Variants in IMMP2L observed in about 807,000 individuals in gnomAD.
The protein encoded by IMMP2L is inner mitochondrial membrane peptidase subunit 2.
A neutral mutation model predicts 19.3 loss-of-function variants in IMMP2L; 18 were observed. That is an observed-to-expected ratio of 0.93 (90% CI 0.64 to 1.38). The LOEUF is 1.38. IMMP2L is among the 40% of genes most tolerant of loss of function. The probability of loss-of-function intolerance (pLI) is 0.00; values close to 1 mark genes in which losing one functional copy is unlikely to be tolerated. For synonymous variants in IMMP2L, 76 were observed against 73.0 expected, an observed-to-expected ratio of 1.04 and a Z score of -0.21; for missense variants, 233 against 218.2, an observed-to-expected ratio of 1.07 and a Z score of -0.43.
chr7:111,035,761 T>C (rs2129569818), intron 3 of IMMP2L, among the ~76,000 whole-genome samples: 1 of 152,236 alleles, frequency 6.6e-6, no homozygotes, highest in African/African-American at 2.4e-5. Flanking sequence ...TTTAAAAAAT[T>C]ATCATTGGAG....
intron 3 of IMMP2L, among the ~76,000 whole-genome samples, chr7:111,445,899 C>G (rs554903145): frequency 1.3e-5 from 2 of 151,966 alleles, no homozygotes; most frequent in South Asian, 4.2e-4. Context: ...ACCTGGGAAG[C>G]GCAAGGGGTC....
chr7:110,865,201 T>C (rs923915346), intron 5 of IMMP2L, among the ~76,000 whole-genome samples: 4 of 152,028 alleles, frequency 2.6e-5, no homozygotes, highest in South Asian at 4.1e-4. Flanking sequence ...ACTGTAACTA[T>C]GCTTATTCAT....
intron 3 of IMMP2L, among the ~76,000 whole-genome samples, chr7:111,462,096 T>G (rs1840187209): frequency 6.6e-6 from 1 of 151,480 alleles, no homozygotes; most frequent in Admixed American, 6.6e-5. Context: ...TTTATATATT[T>G]TTATTTTAAT....
chr7:110,717,660 G>T (rs1318961996), intron 5 of IMMP2L, among the ~76,000 whole-genome samples: 2 of 152,188 alleles, frequency 1.3e-5, no homozygotes, highest in African/African-American at 4.8e-5. Context: ...TGCAAAGGGA[G>T]TTTCAAGAAG....
chr7:110,971,924 C>A (rs183077877), intron 3 of IMMP2L, among the ~76,000 whole-genome samples: 1 of 152,112 alleles, frequency 6.6e-6, no homozygotes, highest in Admixed American at 6.6e-5. Context: ...TGAGATGCCA[C>A]ATAATCAATG....
At chr7:110,715,103 A>T (rs188652304) in intron 5 of IMMP2L, among the ~76,000 whole-genome samples, 3 of 151,822 alleles carry the variant, frequency 2.0e-5, no homozygotes, top group Non-Finnish European at 2.9e-5. Flanking sequence ...TTTCTGTGGG[A>T]TGTGTTGTAA....
chr7:111,470,766 C>A (rs866831403), intron 3 of IMMP2L, among the ~76,000 whole-genome samples: 1 of 149,366 alleles, frequency 6.7e-6, no homozygotes, highest in Non-Finnish European at 1.5e-5. Flanking sequence ...AGGAGATATA[C>A]CTAATGCTAA....
chr7:111,308,953 A>G (rs1265176604), intron 3 of IMMP2L, among the ~76,000 whole-genome samples: 2 of 152,114 alleles, frequency 1.3e-5, no homozygotes, highest in East Asian at 3.8e-4. Context: ...TACTGGTTAA[A>G]ACAAGAATCA....
chr7:110,911,163 TAC>T (rs993961327), intron 4 of IMMP2L, among the ~76,000 whole-genome samples: 1 of 152,056 alleles, frequency 6.6e-6, no homozygotes, highest in African/African-American at 2.4e-5. Context: ...TTAGAATACG[TAC>T]ACAGTTAAAA....
In IMMP2L at chr7:110,804,128, G is replaced by A. The variant is rs568763385; in HGVS notation, c.408+82465C>T. On this transcript the variant is annotated intron_variant, in intron 5 of 5. Transcript: ENST00000405709. ...AAACACTCTAAAAAGAAATGAAATA[G>A]GGGATGTCCTCTTTGTTTATTATCA... Among the ~76,000 whole-genome samples, 6 of 152,104 alleles carry A rather than the reference G, an allele frequency of 3.9e-5. No individual in the cohort carries two copies. The South Asian group carries it at 1.0e-3, about 26-fold the overall frequency.
chr7:111,539,639 T>C (rs888898728), intron 1 of IMMP2L, among the ~76,000 whole-genome samples: 1 of 151,710 alleles, frequency 6.6e-6, no homozygotes, highest in Non-Finnish European at 1.5e-5. Flanking sequence ...TGGTTTTTTT[T>C]TTTTCAATAA....
rs1251183902 is a variant in IMMP2L, at chr7:110,663,136, A to G, written c.*466T>C. 2 of 167,752 alleles carry G rather than the reference A, an allele frequency of 1.2e-5. No homozygotes were observed. The highest frequency in any genetic ancestry group is 1.9e-4 in the East Asian group (1 of 5,394). The allele number at this position is 167,752 out of a possible 1,614,324, so 10.4% of individuals were successfully genotyped here. A position where few individuals can be genotyped will look rare whatever the true frequency, so the allele number is the denominator to read the frequency against. ...TCCTTTGTAGATAGTACAAATCACA[A>G]TGTAATTCCCATCATTATGTGTATA... is the stretch of plus-strand genomic sequence containing the variant. On this transcript the variant is annotated 3_prime_UTR_variant, in exon 6 of 6. Coordinates refer to ENST00000405709, the MANE Select transcript of IMMP2L (RefSeq NM_032549.4).
intron 5 of IMMP2L, among the ~76,000 whole-genome samples, chr7:110,721,068 A>G (rs1795535837): frequency 6.6e-6 from 1 of 151,514 alleles, no homozygotes; most frequent in Admixed American, 6.6e-5. Flanking sequence ...AGCTTCAGGA[A>G]GAGTTATCTT....
chr7:110,970,754 C>G (rs1452197743), intron 3 of IMMP2L, among the ~76,000 whole-genome samples: 1 of 152,128 alleles, frequency 6.6e-6, no homozygotes, highest in East Asian at 1.9e-4. Flanking sequence ...TAGGTTTCAA[C>G]CCCTCATCCA....
chr7:110,935,773 G>A (rs1307860036), intron 4 of IMMP2L, among the ~76,000 whole-genome samples: 1 of 152,176 alleles, frequency 6.6e-6, no homozygotes, highest in Non-Finnish European at 1.5e-5. Flanking sequence ...AAAGCTGGAA[G>A]CATCATGCTA....
chr7:111,124,497 C>T (rs759499803), intron 3 of IMMP2L: 2 of 1,613,846 alleles, frequency 1.2e-6, no homozygotes, highest in Admixed American at 1.7e-5. Flanking sequence ...CATCTGATGT[C>T]AAGGTATATA....
Position 111,365,961 on chromosome 7 carries a change from T to C in IMMP2L, c.239+121277A>G, listed in dbSNP as rs559524026. On this transcript the variant is annotated intron_variant, in intron 3 of 5. Coordinates refer to ENST00000405709, the MANE Select transcript of IMMP2L (RefSeq NM_032549.4). The stretch of plus-strand genomic sequence containing the variant: ...GAAATGAGGAAGAAGGGATGACTGG[T>C]AGAGCAGGATGCTGAAGACTGACTA... Among the ~76,000 whole-genome samples the C allele has an allele frequency of 2.6e-5, 4 of 152,204 alleles. No individual in the cohort carries two copies. In the South Asian group the frequency reaches 8.3e-4, roughly 32 times the overall value.
intron 3 of IMMP2L, among the ~76,000 whole-genome samples, chr7:111,454,290 C>A (rs1328498356): frequency 6.6e-6 from 1 of 152,062 alleles, no homozygotes; most frequent in Admixed American, 6.6e-5. Flanking sequence ...GGCCACCACA[C>A]GTGGCTCATC....
chr7:111,514,827 A>G (rs994076489), intron 2 of IMMP2L, among the ~76,000 whole-genome samples: 3 of 152,058 alleles, frequency 2.0e-5, no homozygotes, highest in Non-Finnish European at 4.4e-5. Flanking sequence ...TGCAAATTTT[A>G]TAATATTCAT....
Sources: allele counts gnomAD v4.1 joint callset (sites outside exome capture counted in the v4.1 genomes callset), GRCh38; gene constraint gnomAD v4.1.1; transcripts MANE v1.5; gene names NCBI Gene and HGNC (gene_info 2026-07-23, HGNC 2026-07-21).